Variants in GMDS observed in about 807,000 individuals in gnomAD.
GMDS encodes GDP-mannose 4,6-dehydratase, also known as GDP-mannose 4,6 dehydratase.
In GMDS, 20 loss-of-function variants were observed where a neutral mutation model predicts 49.9. That is an observed-to-expected ratio of 0.40 (90% CI 0.28 to 0.58). The LOEUF is 0.58. Ranked by LOEUF, GMDS falls within the 20% of genes least tolerant of loss-of-function variation. The probability of loss-of-function intolerance (pLI) is 0.42; values close to 1 mark genes in which losing one functional copy is unlikely to be tolerated. For synonymous variants in GMDS, 177 were observed against 178.6 expected, an observed-to-expected ratio of 0.99 and a Z score of 0.07; for missense variants, 362 against 481.4, an observed-to-expected ratio of 0.75 and a Z score of 2.32.
chr6:1,982,373 T>C (rs1419577431), intron 4 of GMDS, among the ~76,000 whole-genome samples: 2 of 152,192 alleles, frequency 1.3e-5, no homozygotes, highest in Non-Finnish European at 2.9e-5. Flanking sequence ...ATATTGGAAG[T>C]TCTGGCCAGG....
At chr6:2,210,060 T>C (rs543877445) in intron 1 of GMDS, among the ~76,000 whole-genome samples, 1 of 152,342 alleles carries the variant, frequency 6.6e-6, no homozygotes, top group South Asian at 2.1e-4. Context: ...AAGCTTCATA[T>C]AAATAAATTT....
At position 1,655,476 on chromosome 6, in the gene GMDS, T is replaced by TACACAC. The variant is rs751129753; in HGVS notation, c.988-30942_988-30937dup. ...TTTTTTTCCTTACGTTTGAAAGCCT[T>TACACAC]ACACACACACACACACACATACACA... On this transcript the variant is annotated intron_variant, in intron 9 of 10. Transcript: ENST00000380815. 7.2e-3 allele frequency among the ~76,000 whole-genome samples: 588 copies of TACACAC among 81,150 alleles called. 5 individuals carry two copies. Among genetic ancestry groups the TACACAC allele is most frequent in the East Asian group, 0.024 (92 of 3,874 alleles). The allele number at this position is 81,150 out of a possible 152,430, so 53.2% of individuals were successfully genotyped here. A position where few individuals can be genotyped will look rare whatever the true frequency, so the allele number is the denominator to read the frequency against.
At chr6:1,702,128 T>G (rs1169540243) in intron 9 of GMDS, among the ~76,000 whole-genome samples, 3 of 152,276 alleles carry the variant, frequency 2.0e-5, no homozygotes, top group Admixed American at 2.0e-4. Flanking sequence ...CAGTCAGAGC[T>G]GGCGGTTTTC....
chr6:2,055,646 C>A (rs988537692), intron 4 of GMDS, among the ~76,000 whole-genome samples: 19 of 151,944 alleles, frequency 1.3e-4, no homozygotes, highest in Admixed American at 1.2e-3. Flanking sequence ...AATTGGACTC[C>A]CCTTGGTTTA....
At chr6:1,757,945 T>C (rs1040530) in intron 7 of GMDS, among the ~76,000 whole-genome samples, 83,970 of 152,144 alleles carry the variant, frequency 0.55, 23,780 homozygotes, top group African/African-American at 0.67. Context: ...GATTGAGATA[T>C]TTCACGTTCC....
intron 8 of GMDS, among the ~76,000 whole-genome samples, chr6:1,739,591 C>T (rs905171436): frequency 6.6e-5 from 10 of 152,274 alleles, no homozygotes; most frequent in African/African-American, 2.4e-4. Context: ...GCCACAGCGA[C>T]AGGTCTAGGG....
chr6:1,955,897 A>G (rs567748052), intron 6 of GMDS, among the ~76,000 whole-genome samples: 1 of 152,206 alleles, frequency 6.6e-6, no homozygotes, highest in Non-Finnish European at 1.5e-5. Context: ...ACTATGCTAC[A>G]TGTATATCAT....
chr6:2,177,650 G>A (rs970392571), intron 1 of GMDS, among the ~76,000 whole-genome samples: 16 of 151,960 alleles, frequency 1.1e-4, no homozygotes, highest in East Asian at 5.8e-4. Context: ...ACATCCTTTC[G>A]TGATAAAAAC....
At chr6:1,800,763 A>G (rs550097373) in intron 7 of GMDS, among the ~76,000 whole-genome samples, 2 of 152,072 alleles carry the variant, frequency 1.3e-5, no homozygotes, top group East Asian at 3.9e-4. Flanking sequence ...AGAGCACTGC[A>G]CAGTTATCAT....
At position 2,028,522 on chromosome 6, in the gene GMDS, C is replaced by T. The variant is rs145557248; in HGVS notation, c.346-67556G>A. Among the ~76,000 whole-genome samples, 359 of 152,270 alleles carry T rather than the reference C, an allele frequency of 2.4e-3. 2 individuals are homozygous for T. Among genetic ancestry groups the T allele is most frequent in the African/African-American group, 8.3e-3 (344 of 41,552 alleles). On this transcript the variant is annotated intron_variant, in intron 4 of 10. Coordinates refer to ENST00000380815, the MANE Select transcript of GMDS (RefSeq NM_001500.4). ...TGGACTAAACAATACATCTTCGTCG[C>T]TCAGGACAAAAGGTCATTTGGAAGG...
chr6:2,182,862 A>C (rs983526594), intron 1 of GMDS, among the ~76,000 whole-genome samples: 14 of 152,096 alleles, frequency 9.2e-5, no homozygotes, highest in Non-Finnish European at 2.1e-4. Flanking sequence ...ATGCATCACC[A>C]TGCCAGGCTA....
chr6:1,843,977 C>T (rs966751954), intron 7 of GMDS, among the ~76,000 whole-genome samples: 25 of 152,132 alleles, frequency 1.6e-4, no homozygotes, highest in Non-Finnish European at 2.5e-4. Flanking sequence ...GACTTCAACT[C>T]GCCCTCAGCA....
chr6:2,001,827 A>G (rs1478763278), intron 4 of GMDS, among the ~76,000 whole-genome samples: 1 of 152,186 alleles, frequency 6.6e-6, no homozygotes, highest in Non-Finnish European at 1.5e-5. Context: ...GGACAACTGG[A>G]GAGCTACATG....
intron 7 of GMDS, among the ~76,000 whole-genome samples, chr6:1,834,696 T>G (rs1458830842): frequency 7.2e-5 from 11 of 152,208 alleles, no homozygotes; most frequent in African/African-American, 2.4e-4. Flanking sequence ...TATAACTTAT[T>G]AAACTATACA....
intron 1 of GMDS, among the ~76,000 whole-genome samples, chr6:2,184,216 T>C (rs186422659): frequency 2.0e-5 from 3 of 152,304 alleles, no homozygotes; most frequent in Admixed American, 6.5e-5. Flanking sequence ...ACTACTGTAA[T>C]AGCCTCTTAA....
At chr6:1,729,450 T>C (rs1034631990) in intron 8 of GMDS, among the ~76,000 whole-genome samples, 3 of 152,182 alleles carry the variant, frequency 2.0e-5, no homozygotes, top group Non-Finnish European at 4.4e-5. Flanking sequence ...ATAGCTACAT[T>C]GAATGAGCAA....
chr6:1,632,723 TA>T (rs1201309771), intron 9 of GMDS, among the ~76,000 whole-genome samples: 6 of 151,954 alleles, frequency 3.9e-5, no homozygotes, highest in Non-Finnish European at 5.9e-5. Context: ...CAAAAAACTT[TA>T]AAAAATTAGC....
chr6:1,850,922 C>T (rs965152980), intron 7 of GMDS, among the ~76,000 whole-genome samples: 3 of 152,168 alleles, frequency 2.0e-5, no homozygotes, highest in African/African-American at 7.2e-5. Context: ...CTCTAACTCC[C>T]GTCTCTGCTG....
At chr6:1,993,374 C>T (rs1386524117) in intron 4 of GMDS, among the ~76,000 whole-genome samples, 1 of 152,116 alleles carries the variant, frequency 6.6e-6, no homozygotes, top group African/African-American at 2.4e-5. Flanking sequence ...TTATCAGCTG[C>T]AATAGAAGAC....
Sources: gnomAD v4.1 joint callset for allele counts (sites outside exome capture counted in the v4.1 genomes callset) on GRCh38, gnomAD v4.1.1 for gene constraint, MANE v1.5 for transcripts, NCBI Gene and HGNC (gene_info 2026-07-23, HGNC 2026-07-21) for gene names.